The following RBFOX1 variants were observed in gnomAD, a reference collection of about 807,000 sequenced individuals.
RBFOX1 encodes RNA binding fox-1 homolog 1, also known as RNA binding protein fox-1 homolog 1.
RBFOX1 carries 8 observed loss-of-function variants against 57.7 expected under a neutral mutation model. That is an observed-to-expected ratio of 0.14 (90% CI 0.08 to 0.25). RBFOX1 has a LOEUF of 0.25. Among genes scored for constraint, RBFOX1 ranks in the 10% least tolerant of loss-of-function variants. RBFOX1 has a pLI of 1.00. For missense variants in RBFOX1, 611 were observed against 548.5 expected (o/e 1.11, Z -1.14); for synonymous variants, 326 against 222.4 (o/e 1.47, Z -4.15).
chr16:6,028,791 C>G (rs2095244338), intron 1 of RBFOX1, among the ~76,000 whole-genome samples: 1 of 152,138 alleles, frequency 6.6e-6, no homozygotes, highest in South Asian at 2.1e-4. Context: ...AAGTGTCTTG[C>G]CTTCAAGGTG....
intron 14 of RBFOX1, among the ~76,000 whole-genome samples, chr16:7,708,313 A>G (rs1053439077): frequency 3.3e-5 from 5 of 152,152 alleles, no homozygotes; most frequent in Non-Finnish European, 5.9e-5. Flanking sequence ...TCTCTTCTCC[A>G]TTTTTATCCT....
At position 5,623,192 on chromosome 16, in the gene RBFOX1, A is replaced by G. The variant is rs189526592; in HGVS notation, c.318+24231A>G. On this transcript the variant is annotated intron_variant, in intron 3 of 19. Coordinates refer to the RBFOX1 transcript ENST00000641259. ...AAGTGAGCAGTCTCATGGGGGCATTATGGTGTTGGCCTGAGAAGAGAAGGG... is the reference window on the plus strand; with the variant it reads ...AAGTGAGCAGTCTCATGGGGGCATTGTGGTGTTGGCCTGAGAAGAGAAGGG... 2.0e-4 allele frequency among the ~76,000 whole-genome samples: 31 copies of G among 152,244 alleles called. 1 individual carries two copies. In the East Asian group the frequency reaches 6.0e-3, roughly 29 times the overall value.
At chr16:5,387,212 G>A (rs537522202) in intron 1 of RBFOX1, among the ~76,000 whole-genome samples, 2 of 152,240 alleles carry the variant, frequency 1.3e-5, no homozygotes, top group Admixed American at 6.5e-5. Context: ...ACAGGCTCTT[G>A]GTATACGCAT....
At chr16:7,062,671 C>A (rs1015663636) in intron 4 of RBFOX1, among the ~76,000 whole-genome samples, 7 of 152,140 alleles carry the variant, frequency 4.6e-5, no homozygotes, top group African/African-American at 1.7e-4. Flanking sequence ...TCTCCTGAGA[C>A]TCTGAATATT....
chr16:6,664,310 C>T (rs551636979), intron 3 of RBFOX1, among the ~76,000 whole-genome samples: 2 of 152,316 alleles, frequency 1.3e-5, no homozygotes, highest in East Asian at 1.9e-4. Context: ...CCTCATTCCT[C>T]TTGGGCATGG....
At chr16:5,348,726 C>T (rs1438729418) in intron 1 of RBFOX1, among the ~76,000 whole-genome samples, 2 of 152,148 alleles carry the variant, frequency 1.3e-5, no homozygotes, top group African/African-American at 2.4e-5. Context: ...ATAATGAGGA[C>T]CCCTTTTCTG....
At chr16:6,589,862 C>T (rs1159268100) in intron 2 of RBFOX1, among the ~76,000 whole-genome samples, 1 of 152,160 alleles carries the variant, frequency 6.6e-6, no homozygotes, top group African/African-American at 2.4e-5. Context: ...TAGGTCATAC[C>T]TCTCTTTCAC....
intron 3 of RBFOX1, among the ~76,000 whole-genome samples, chr16:6,847,364 C>A (rs2141802549): frequency 6.6e-6 from 1 of 152,184 alleles, no homozygotes; most frequent in Non-Finnish European, 1.5e-5. Flanking sequence ...AGGGGGTCTT[C>A]AATCTGCCCT....
Position 6,399,119 on chromosome 16 carries a change from G to A in RBFOX1, c.-64+82062G>A, listed in dbSNP as rs144235937. On this transcript the variant is annotated intron_variant, in intron 2 of 15. Transcript: ENST00000550418. ...CTTGCACCCTCTGAAGCAATGGCCT[G>A]AGCTGTACCTTGGCCTCTTTTAACC... Among the ~76,000 whole-genome samples, 98 of 152,342 alleles carry A rather than the reference G, an allele frequency of 6.4e-4. 1 individual carries two copies. The highest frequency in any genetic ancestry group is 2.3e-3 in the African/African-American group (94 of 41,594).
At chr16:7,577,646 C>G (rs939921022) in intron 5 of RBFOX1, among the ~76,000 whole-genome samples, 1 of 152,184 alleles carries the variant, frequency 6.6e-6, no homozygotes, top group African/African-American at 2.4e-5. Context: ...GCCTGTAGTC[C>G]CAGTGCTTTG....
At chr16:7,556,426 C>G (rs1274148849) in intron 5 of RBFOX1, among the ~76,000 whole-genome samples, 1 of 152,128 alleles carries the variant, frequency 6.6e-6, no homozygotes, top group Non-Finnish European at 1.5e-5. Context: ...GATGATGGTA[C>G]CCAAGATAAA....
rs544317548 is a variant in RBFOX1 at position 6,980,792 on chromosome 16, C to T, written c.-15-71265C>T. 2.4e-4 allele frequency among the ~76,000 whole-genome samples: 37 copies of T among 152,078 alleles called. 2 individuals are homozygous for T. Among genetic ancestry groups the T allele is most frequent in the Admixed American group, 2.4e-3 (36 of 15,254 alleles). Reference sequence around the variant, plus strand: ...GTACAGTAGCTCATGCCTGTAATCCCAGCACTTTGGGAGGCCAAGGCAGGC... The same window carrying T: ...GTACAGTAGCTCATGCCTGTAATCCTAGCACTTTGGGAGGCCAAGGCAGGC... On this transcript the variant is annotated intron_variant, in intron 3 of 15. Transcript: ENST00000550418.
intron 4 of RBFOX1, chr16:7,332,894 G>A (rs1568253530): frequency 6.3e-7 from 1 of 1,575,082 alleles, no homozygotes; most frequent in Non-Finnish European, 8.6e-7. Flanking sequence ...TGACAGAAGG[G>A]ATTTGGCTCC....
At chr16:7,639,441 C>T (rs371092109) in intron 11 of RBFOX1, among the ~76,000 whole-genome samples, 5 of 152,100 alleles carry the variant, frequency 3.3e-5, no homozygotes, top group East Asian at 1.9e-4. Flanking sequence ...GTCCTTTGAT[C>T]GGAGAGGGGG....
intron 5 of RBFOX1, among the ~76,000 whole-genome samples, chr16:7,568,881 TC>T (rs1187130173): frequency 1.0e-3 from 31 of 30,634 alleles, no homozygotes; most frequent in East Asian, 2.1e-3. Flanking sequence ...AGACTCTGTC[TC>T]AAAAAAAAAA....
At chr16:6,987,467 AC>A (rs2090546937) in intron 3 of RBFOX1, among the ~76,000 whole-genome samples, 3 of 107,696 alleles carry the variant, frequency 2.8e-5, no homozygotes, top group South Asian at 6.5e-4. Flanking sequence ...ACACACACAC[AC>A]ACACACACAC....
At chr16:5,480,314 G>C (rs1242580910) in intron 2 of RBFOX1, among the ~76,000 whole-genome samples, 2 of 151,746 alleles carry the variant, frequency 1.3e-5, no homozygotes, top group Non-Finnish European at 2.9e-5. Context: ...TGAGATAAAA[G>C]CACACCCACA....
At chr16:6,768,089 G>T (rs2077662466) in intron 3 of RBFOX1, among the ~76,000 whole-genome samples, 1 of 151,630 alleles carries the variant, frequency 6.6e-6, no homozygotes, top group Non-Finnish European at 1.5e-5. Context: ...CTGGAAATAT[G>T]AATCCACTGA....
At chr16:6,272,860 C>G (rs577700407) in intron 1 of RBFOX1, among the ~76,000 whole-genome samples, 1 of 152,164 alleles carries the variant, frequency 6.6e-6, no homozygotes, top group East Asian at 1.9e-4. Flanking sequence ...ACATATGGTA[C>G]TAGAGAAACT....
Sources: allele counts gnomAD v4.1 joint callset (sites outside exome capture counted in the v4.1 genomes callset), GRCh38; gene constraint gnomAD v4.1.1; transcripts MANE v1.5; gene names NCBI Gene and HGNC (gene_info 2026-07-23, HGNC 2026-07-21).